Variants in PPM1E observed in about 807,000 individuals in gnomAD.
The protein encoded by PPM1E is protein phosphatase 1E.
In PPM1E, 20 loss-of-function variants were observed where a neutral mutation model predicts 65.9. That is an observed-to-expected ratio of 0.30 (90% CI 0.21 to 0.44). The LOEUF is 0.44. Ranked by LOEUF, PPM1E falls within the 20% of genes least tolerant of loss-of-function variation. The pLI, the probability that PPM1E is intolerant of heterozygous loss-of-function variation, is 1.00. For synonymous variants in PPM1E, 352 were observed against 374.9 expected (o/e 0.94, Z 0.70); for missense variants, 713 against 953.1 (o/e 0.75, Z 3.32).
intron 1 of PPM1E, among the ~76,000 whole-genome samples, chr17:58,921,708 C>T (rs2051753473): frequency 6.7e-6 from 1 of 150,050 alleles, no homozygotes; most frequent in African/African-American, 2.5e-5. Flanking sequence ...GAAGAGATGG[C>T]CTTAGATAGG....
Position 58,981,897 on chromosome 17 carries a change from G to C in PPM1E, c.*866G>C, listed in dbSNP as rs1309714489. 6.6e-6 allele frequency: 1 copy of C among 152,592 alleles called. No homozygotes were observed. Among genetic ancestry groups the C allele is most frequent in the African/African-American group, 2.4e-5 (1 of 41,430 alleles). The allele number at this position is 152,592 out of a possible 1,614,324, so 9.5% of individuals were successfully genotyped here. A position where few individuals can be genotyped will look rare whatever the true frequency, so the allele number is the denominator to read the frequency against. ...TGATGTCAGGTACAAATACACTATA[G>C]AGTCAAAATACCATTTACAAAGAAA... On this transcript the variant is annotated 3_prime_UTR_variant, in exon 7 of 7. Transcript: ENST00000308249.
At chr17:58,941,347 A>G (rs2052063512) in intron 1 of PPM1E, among the ~76,000 whole-genome samples, 1 of 152,158 alleles carries the variant, frequency 6.6e-6, no homozygotes, top group Non-Finnish European at 1.5e-5. Context: ...ACTTACCTAC[A>G]TATATATGTG....
At chr17:58,793,099 A>T (rs2050172331) in intron 1 of PPM1E, among the ~76,000 whole-genome samples, 1 of 151,846 alleles carries the variant, frequency 6.6e-6, no homozygotes, top group Non-Finnish European at 1.5e-5. Flanking sequence ...GGCTTGATAG[A>T]TGCTCTGCTT....
intron 1 of PPM1E, among the ~76,000 whole-genome samples, chr17:58,870,192 G>GTCT: frequency 6.6e-6 from 1 of 152,136 alleles, no homozygotes; most frequent in Non-Finnish European, 1.5e-5. Context: ...AGAAGAAGGA[G>GTCT]CTGAAGGAGA....
chr17:58,901,510 T>C (rs532443675), intron 1 of PPM1E, among the ~76,000 whole-genome samples: 8 of 150,818 alleles, frequency 5.3e-5, no homozygotes, highest in African/African-American at 2.0e-4. Context: ...CTCATGTATG[T>C]CTAATAAAAA....
rs764723619 is a variant in PPM1E, at chr17:58,965,901, G to C, written c.783+8G>C. ...ATGCTCTTCAACCTAGAGGTAAAGG[G>C]CACTTTCGGAGAGTCAGTGAGATTT... On this transcript the variant is annotated splice_region_variant and intron_variant, in intron 3 of 6. Coordinates refer to ENST00000308249, the MANE Select transcript of PPM1E (RefSeq NM_014906.5). 7 of 1,613,358 alleles carry C rather than the reference G, an allele frequency of 4.3e-6. No individual in the cohort carries two copies. Among genetic ancestry groups the C allele is most frequent in the Non-Finnish European group, 5.9e-6 (7 of 1,179,434 alleles).
intron 1 of PPM1E, among the ~76,000 whole-genome samples, chr17:58,894,431 A>T (rs1175958359): frequency 6.6e-6 from 1 of 152,190 alleles, no homozygotes; most frequent in Non-Finnish European, 1.5e-5. Context: ...CAAGTGAATG[A>T]TAGTAAAACA....
Position 58,969,641 on chromosome 17 carries a change from G to C in PPM1E, c.886G>C (p.Glu296Gln), listed in dbSNP as rs1422043199. 1 of 1,614,044 alleles carries C rather than the reference G, an allele frequency of 6.2e-7. No individual in the cohort carries two copies. Among genetic ancestry groups the C allele is most frequent in the Admixed American group, 1.7e-5 (1 of 59,992 alleles). ...IHLHVNLVRQ[E>Q]MFPHDPAEAL... The stretch of plus-strand genomic sequence containing the variant: ...CCTCCACGTTAACTTAGTCCGCCAG[G>C]AGATGTTCCCCCATGATCCTGCTGA... The change falls in exon 4 of 7, where the codon GAG becomes CAG. Residue 296 changes from glutamate (E) to glutamine (Q), a missense_variant. Transcript: ENST00000308249.
At position 58,932,941 on chromosome 17, in the gene PPM1E, A is replaced by G. The variant is rs550135719; in HGVS notation, c.465-22708A>G. On this transcript the variant is annotated intron_variant, in intron 1 of 6. Transcript: ENST00000308249. ...AGATGTACCGTTTTTATGTTATACC[A>G]TATTTTTACTGTACTTTTTCTATGT... 7.3e-4 allele frequency among the ~76,000 whole-genome samples: 111 copies of G among 152,304 alleles called. 1 individual carries two copies. The highest frequency in any genetic ancestry group is 2.6e-3 in the African/African-American group (108 of 41,562).
intron 1 of PPM1E, among the ~76,000 whole-genome samples, chr17:58,839,252 T>G (rs1420296686): frequency 1.3e-5 from 2 of 152,062 alleles, no homozygotes; most frequent in Non-Finnish European, 2.9e-5. Flanking sequence ...AGAAGATCAC[T>G]GGAGGCCAAG....
rs763113201 is a variant in PPM1E, at chr17:58,955,744, C to T, written c.560C>T (p.Thr187Met). 24 of 1,610,306 alleles carry T rather than the reference C, an allele frequency of 1.5e-5. No homozygotes were observed. Among genetic ancestry groups the T allele is most frequent in the East Asian group, 4.5e-5 (2 of 44,806 alleles). Residue 187 changes from threonine (T) to methionine (M), a missense_variant, in exon 2 of 7, where the codon ACG (threonine) becomes ATG (methionine). Physicochemically the swap from Thr to Met is moderately conservative, Grantham distance 81. Around this residue, in one of 6 missense-constraint regions of PPM1E, gnomAD observed 84 missense variants for 113.9 expected, o/e 0.74. Coordinates refer to ENST00000308249, the MANE Select transcript of PPM1E (RefSeq NM_014906.5). ...TCTGCACATTATATCCCAAAGGAAA[C>T]GGATGGCACAGAAGGGACTGTGGGT... ...DLSAHYIPKE[T>M]DGTEGTVEIE...
chr17:58,960,808 C>G (rs1451195601), intron 2 of PPM1E, among the ~76,000 whole-genome samples: 1 of 149,938 alleles, frequency 6.7e-6, no homozygotes, highest in Admixed American at 6.7e-5. Flanking sequence ...AAAGCAAAGT[C>G]TGATTAAAAA....
chr17:58,799,720 A>G (rs1010485570), intron 1 of PPM1E, among the ~76,000 whole-genome samples: 1 of 152,188 alleles, frequency 6.6e-6, no homozygotes, highest in Non-Finnish European at 1.5e-5. Flanking sequence ...CTGGGATTAC[A>G]GGCATGAGCC....
At chr17:58,969,124 T>C (rs1438515599) in intron 3 of PPM1E, among the ~76,000 whole-genome samples, 2 of 152,250 alleles carry the variant, frequency 1.3e-5, no homozygotes, top group Non-Finnish European at 2.9e-5. Flanking sequence ...AATTTTGCTA[T>C]TAAAGTACTT....
chr17:58,756,394 G>A lies in PPM1E; in HGVS notation c.397G>A (p.Glu133Lys). 7.3e-7 allele frequency: 1 copy of A among 1,366,140 alleles called. No individual in the cohort carries two copies. Among genetic ancestry groups the A allele is most frequent in the Non-Finnish European group, 9.4e-7 (1 of 1,062,422 alleles). The allele number at this position is 1,366,140 out of a possible 1,614,324, so 84.6% of individuals were successfully genotyped here. A position where few individuals can be genotyped will look rare whatever the true frequency, so the allele number is the denominator to read the frequency against. ...GCCCCCGCTCCCGCGACCGCTGTCAGAGCGCATCACCCGCGAGGAGGTGGA... is the reference window on the plus strand; with the variant it reads ...GCCCCCGCTCCCGCGACCGCTGTCAAAGCGCATCACCCGCGAGGAGGTGGA... ...PLPPLPRPLSERITREEVEGE... is the reference protein window; with the variant it reads ...PLPPLPRPLSKRITREEVEGE... The change falls in exon 1 of 7, where the codon GAG becomes AAG. Residue 133 changes from glutamate to lysine, a missense_variant. Coordinates refer to ENST00000308249, the MANE Select transcript of PPM1E (RefSeq NM_014906.5).
intron 1 of PPM1E, among the ~76,000 whole-genome samples, chr17:58,761,804 A>AT (rs1006855807): frequency 2.6e-5 from 4 of 152,134 alleles, no homozygotes; most frequent in African/African-American, 7.2e-5. Context: ...TTAATTTATT[A>AT]TTTTTTGTCA....
intron 1 of PPM1E, among the ~76,000 whole-genome samples, chr17:58,792,176 T>A (rs1165846623): frequency 2.0e-5 from 3 of 151,286 alleles, no homozygotes; most frequent in African/African-American, 7.3e-5. Context: ...CTTCCTGAGC[T>A]TCTATTTTAC....
intron 1 of PPM1E, among the ~76,000 whole-genome samples, chr17:58,937,704 G>T (rs1317054912): frequency 6.7e-6 from 1 of 149,382 alleles, no homozygotes; most frequent in Admixed American, 6.6e-5. Flanking sequence ...GTGAAACCCC[G>T]TCTCTACTAA....
chr17:58,926,793 C>T (rs2051828784), intron 1 of PPM1E, among the ~76,000 whole-genome samples: 1 of 152,042 alleles, frequency 6.6e-6, no homozygotes, highest in South Asian at 2.1e-4. Flanking sequence ...AAAACTGCAG[C>T]AGTATCTACA....
Sources: gnomAD v4.1 joint callset for allele counts (sites outside exome capture counted in the v4.1 genomes callset) on GRCh38, gnomAD v4.1.1 for gene constraint, gnomAD v4.1.1 regional missense constraint, MANE v1.5 for transcripts, NCBI Gene and HGNC (gene_info 2026-07-23, HGNC 2026-07-21) for gene names.